CHMP3: variants seen among roughly 807,000 people sequenced by gnomAD.
The protein encoded by CHMP3 is charged multivesicular body protein 3, also known as 25.1 protein.
A neutral mutation model predicts 27.4 loss-of-function variants in CHMP3; 8 were observed. That is an observed-to-expected ratio of 0.29 (90% confidence interval 0.17 to 0.53). The LOEUF is 0.53. Ranked by LOEUF, CHMP3 falls within the 20% of genes least tolerant of loss-of-function variation. CHMP3 has a pLI of 0.96. For missense variants in CHMP3, 208 were observed against 271.5 expected (o/e 0.77, Z 1.64); for synonymous variants, 86 against 85.5 (o/e 1.01, Z -0.03).
intron 1 of CHMP3, among the ~76,000 whole-genome samples, chr2:86,548,796 C>A (rs560901203): frequency 6.6e-6 from 1 of 151,992 alleles, no homozygotes; most frequent in Admixed American, 6.5e-5. Flanking sequence ...GTGCTCCTCA[C>A]CTCCCAGACG....
intron 1 of CHMP3, among the ~76,000 whole-genome samples, chr2:86,560,369 C>T (rs1024723457): frequency 6.6e-6 from 1 of 152,138 alleles, no homozygotes; most frequent in Non-Finnish European, 1.5e-5. Flanking sequence ...CCATGGAATA[C>T]TATGAAGCCA....
chr2:86,541,065 TGTTG>T (rs753425659), intron 2 of CHMP3: 1 of 152,058 alleles, frequency 6.6e-6, no homozygotes, highest in Non-Finnish European at 1.5e-5. Context: ...TTTTAAGTCT[TGTTG>T]GTTGGTTGGT....
rs553362782 is a variant in CHMP3, at chr2:86,507,484, G to A, written c.518C>T (p.Thr173Ile). Reference sequence around the variant, plus strand: ...GATGGATCTCACGGTCATACCTGCTGTAATTTCAAAGAGAATTCTGTCAAT... The same window carrying A: ...GATGGATCTCACGGTCATACCTGCTATAATTTCAAAGAGAATTCTGTCAAT... Reference protein sequence around the residue: ...MEIDRILFEITAGALGKAPSK... With the variant: ...MEIDRILFEIIAGALGKAPSK... The change falls in exon 5 of 6, where the codon ACA (threonine) becomes ATA (isoleucine). Residue 173 changes from threonine (T) to isoleucine (I), a missense_variant. Thr to Ile is a moderately conservative substitution (Grantham distance 89). This residue lies in a region of CHMP3 where 62 missense variants were observed against 68.4 expected (regional missense o/e 0.91). Coordinates refer to ENST00000263856, the MANE Select transcript of CHMP3 (RefSeq NM_016079.4). 2 of 1,613,868 alleles carry A rather than the reference G, an allele frequency of 1.2e-6. No homozygotes were observed. Among genetic ancestry groups the A allele is most frequent in the East Asian group, 2.2e-5 (1 of 44,874 alleles).
At chr2:86,540,832 T>TG (rs1184231505) in intron 2 of CHMP3, 1 of 149,816 alleles carries the variant, frequency 6.7e-6, no homozygotes, top group Non-Finnish European at 1.5e-5. Context: ...TCTTTTTTTG[T>TG]GGGGGTTTTG....
intron 1 of CHMP3, among the ~76,000 whole-genome samples, chr2:86,548,706 G>A (rs146313094): frequency 0.045 from 6,780 of 152,176 alleles, 496 homozygotes; most frequent in African/African-American, 0.15. Flanking sequence ...CTGTCTCTTC[G>A]GAGCTATTGG....
intron 1 of CHMP3, among the ~76,000 whole-genome samples, chr2:86,555,750 CTCT>C (rs148061068): frequency 0.012 from 1,805 of 152,264 alleles, 36 homozygotes; most frequent in African/African-American, 0.041. Context: ...ACATTGCCTT[CTCT>C]TCTTCTGTGT....
intron 1 of CHMP3, chr2:86,563,009 G>T (rs1272723365): frequency 3.0e-6 from 1 of 331,888 alleles, no homozygotes; most frequent in Non-Finnish European, 5.5e-6. Context: ...CGCGCAGGGG[G>T]AAGAGGTTTC....
At position 86,510,341 on chromosome 2, in the gene CHMP3, G is replaced by A; in HGVS notation, c.408+17C>T. 6.2e-7 allele frequency: 1 copy of A among 1,613,626 alleles called. No homozygotes were observed. The highest frequency in any genetic ancestry group is 8.5e-7 in the Non-Finnish European group (1 of 1,179,760). On this transcript the variant is annotated intron_variant, in intron 4 of 5. Coordinates refer to ENST00000263856, the MANE Select transcript of CHMP3 (RefSeq NM_016079.4). ...CTCTGGGGTTTGGAAAGGAAAGCAG[G>A]GCTAGCCCCAAGTCACCTTCATCAT...
chr2:86,523,358 G>T (rs1211554536), intron 3 of CHMP3, among the ~76,000 whole-genome samples: 1 of 151,976 alleles, frequency 6.6e-6, no homozygotes, highest in Non-Finnish European at 1.5e-5. Flanking sequence ...TCTCTTTCAC[G>T]TTCTCCTAGT....
At chr2:86,555,358 A>G (rs1405460083) in intron 1 of CHMP3, among the ~76,000 whole-genome samples, 1 of 152,138 alleles carries the variant, frequency 6.6e-6, no homozygotes, top group East Asian at 1.9e-4. Flanking sequence ...AAGCATGTAT[A>G]TAAGTGTATT....
chr2:86,519,361 A>T (rs1675437153), intron 3 of CHMP3, among the ~76,000 whole-genome samples: 2 of 127,990 alleles, frequency 1.6e-5, no homozygotes, highest in Admixed American at 1.7e-4. Flanking sequence ...GCAAAACTTC[A>T]TCTCAAAAAA....
chr2:86,553,247 T>C (rs1481893607), intron 1 of CHMP3, among the ~76,000 whole-genome samples: 1 of 149,720 alleles, frequency 6.7e-6, no homozygotes, highest in Non-Finnish European at 1.5e-5. Context: ...GACAAAACCA[T>C]AACAAGGAAC....
At chr2:86,512,168 G>T (rs562411278) in intron 3 of CHMP3, 1 of 152,248 alleles carries the variant, frequency 6.6e-6, no homozygotes, top group Non-Finnish European at 1.5e-5. Context: ...TTGCCACTGT[G>T]ATAAGTATTA....
At chr2:86,508,854 A>G (rs1383511508) in intron 4 of CHMP3, among the ~76,000 whole-genome samples, 1 of 152,222 alleles carries the variant, frequency 6.6e-6, no homozygotes, top group Admixed American at 6.5e-5. Context: ...CCTGAATGGG[A>G]TCATCTTAGT....
chr2:86,527,778 T>G (rs60878502), intron 3 of CHMP3, among the ~76,000 whole-genome samples: 1 of 152,012 alleles, frequency 6.6e-6, no homozygotes, highest in Admixed American at 6.6e-5. Context: ...CTGGGTAACA[T>G]GGCGAAACCC....
intron 3 of CHMP3, among the ~76,000 whole-genome samples, chr2:86,523,556 ATATT>A (rs1675596991): frequency 6.6e-6 from 1 of 152,138 alleles, no homozygotes; most frequent in Admixed American, 6.5e-5. Context: ...GCTAAAAGAG[ATATT>A]TATTAAATGA....
At chr2:86,511,524 A>T (rs1053626799) in intron 3 of CHMP3, 6 of 151,874 alleles carry the variant, frequency 4.0e-5, no homozygotes, top group African/African-American at 1.4e-4. Context: ...TAAAAAAGTT[A>T]TAATTACTTT....
chr2:86,534,986 G>A (rs569349781), intron 2 of CHMP3, among the ~76,000 whole-genome samples: 1 of 152,302 alleles, frequency 6.6e-6, no homozygotes, highest in African/African-American at 2.4e-5. Flanking sequence ...GCTGGGCACA[G>A]TGGCTCATGC....
chr2:86,503,565 A>G lies in CHMP3; in HGVS notation c.*2239T>C, dbSNP rs1230963329. ...TTGGAAACCACCAAGAAGTCTTTCA[A>G]TAGGTGAATGGATAAACTATTCATC... On this transcript the variant is annotated 3_prime_UTR_variant, in exon 6 of 6. Coordinates refer to ENST00000263856, the MANE Select transcript of CHMP3 (RefSeq NM_016079.4). 2 of 152,272 alleles carry G rather than the reference A, an allele frequency of 1.3e-5. No homozygotes were observed. The highest frequency in any genetic ancestry group is 2.9e-5 in the Non-Finnish European group (2 of 68,046). The allele number at this position is 152,272 out of a possible 1,614,324, so 9.4% of individuals were successfully genotyped here.
Sources: allele counts gnomAD v4.1 joint callset (sites outside exome capture counted in the v4.1 genomes callset), GRCh38; gene constraint gnomAD v4.1.1; regional missense constraint gnomAD v4.1.1; transcripts MANE v1.5; gene names NCBI Gene and HGNC (gene_info 2026-07-23, HGNC 2026-07-21).